LRRC74A: variants seen among roughly 807,000 people sequenced by gnomAD.
LRRC74A encodes the protein leucine-rich repeat-containing protein 74A.
In LRRC74A, 44 loss-of-function variants were observed where a neutral mutation model predicts 57.9. The observed-to-expected ratio is 0.76, with a 90% CI of 0.60 to 0.98. The LOEUF is 0.98. LRRC74A is among the 50% of genes least tolerant of loss of function. LRRC74A has a pLI of 0.00. For missense variants in LRRC74A, 572 were observed against 574.0 expected, an observed-to-expected ratio of 1.00 and a Z score of 0.04; for synonymous variants, 211 against 219.4, an observed-to-expected ratio of 0.96 and a Z score of 0.34.
chr14:76,831,141 C>A, intron 2 of LRRC74A, 62 bp from the exon 3 acceptor site: 1 of 1,527,896 alleles, frequency 6.5e-7, no homozygotes, highest in Non-Finnish European at 9.0e-7. Flanking sequence ...GTCACTGGGG[C>A]TAGAGGGGAG....
intron 7 of LRRC74A, among the ~76,000 whole-genome samples, chr14:76,849,476 G>C (rs1048584435): frequency 6.6e-6 from 1 of 151,722 alleles, no homozygotes; most frequent in Non-Finnish European, 1.5e-5. Flanking sequence ...TTTTAAAATT[G>C]TTATAATCGT....
intron 5 of LRRC74A, among the ~76,000 whole-genome samples, chr14:76,841,375 C>G (rs1246874161): frequency 1.3e-5 from 2 of 152,184 alleles, no homozygotes; most frequent in African/African-American, 4.8e-5. Context: ...TGGGCAAAGA[C>G]TACCCCTTTT....
At chr14:76,841,804 C>T (rs1896795589) in intron 5 of LRRC74A, among the ~76,000 whole-genome samples, 1 of 151,256 alleles carries the variant, frequency 6.6e-6, no homozygotes, top group South Asian at 2.1e-4. Context: ...TCTCTGCCTC[C>T]TGGGTTCAAG....
At chr14:76,839,734 A>G (rs754404067) in intron 5 of LRRC74A, among the ~76,000 whole-genome samples, 7 of 152,164 alleles carry the variant, frequency 4.6e-5, no homozygotes, top group Non-Finnish European at 7.4e-5. Flanking sequence ...TTCATAAACT[A>G]TAGATATTCA....
intron 10 of LRRC74A, among the ~76,000 whole-genome samples, chr14:76,859,572 C>T (rs1898143253): frequency 6.8e-6 from 1 of 147,250 alleles, no homozygotes; most frequent in African/African-American, 2.5e-5. Context: ...AGAAATGGTG[C>T]TGTTTAGGCC....
chr14:76,869,349 A>C (rs898090211), intron 13 of LRRC74A, among the ~76,000 whole-genome samples: 2 of 152,338 alleles, frequency 1.3e-5, no homozygotes, highest in Middle Eastern at 3.4e-3. Context: ...TGCCCTTCAG[A>C]TCACACACTG....
intron 5 of LRRC74A, among the ~76,000 whole-genome samples, chr14:76,842,487 A>C (rs1172303483): frequency 2.0e-5 from 3 of 152,226 alleles, no homozygotes; most frequent in Non-Finnish European, 4.4e-5. Context: ...GTGTTTTATC[A>C]AATTTCACAA....
At chr14:76,838,021 A>C in intron 5 of LRRC74A, 50 bp downstream of exon 5, 1 of 1,221,566 alleles carries the variant, frequency 8.2e-7, no homozygotes, top group Non-Finnish European at 1.2e-6. Flanking sequence ...AGAGGGAGGG[A>C]AGAGGGGAAA....
chr14:76,853,070 C>A, intron 8 of LRRC74A, 146 bp from the exon 9 acceptor site: 1 of 702,286 alleles, frequency 1.4e-6, no homozygotes, highest in East Asian at 2.6e-5. Context: ...CAGCTGGGAG[C>A]TCTGAATGAT....
rs777609354 is a variant in LRRC74A at position 76,840,114 on chromosome 14, T to G, written c.544+2143T>G. 8.3e-4 allele frequency among the ~76,000 whole-genome samples: 126 copies of G among 152,298 alleles called. 1 individual carries two copies. Among genetic ancestry groups the G allele is most frequent in the Non-Finnish European group, 2.6e-4 (18 of 68,026 alleles). On this transcript the variant is annotated intron_variant, in intron 5 of 13. Transcript: ENST00000689127. ...CTTTTTCCTTTATGTATTTAATTTT[T>G]GTAGCCTGGCTTTAAAACTCTTTCC...
At chr14:76,853,116 C>A in intron 8 of LRRC74A, 100 bp from the exon 9 acceptor site, 4 of 1,134,346 alleles carry the variant, frequency 3.5e-6, no homozygotes, top group South Asian at 1.4e-5. Context: ...CCACTGAGCA[C>A]CCGGTCTGGA....
intron 7 of LRRC74A, among the ~76,000 whole-genome samples, chr14:76,846,834 A>AC (rs34159247): frequency 0.61 from 92,973 of 151,974 alleles, 28,896 homozygotes; most frequent in East Asian, 0.88. Flanking sequence ...TGGCCATTTG[A>AC]ACCTACATAG....
intron 12 of LRRC74A, 94 bp from the exon 13 acceptor site, chr14:76,867,262 G>T: frequency 2.4e-6 from 1 of 420,286 alleles, no homozygotes; most frequent in Admixed American, 3.0e-5. Context: ...GGGGTGGGGT[G>T]TGTGTGTTGG....
chr14:76,828,431 C>T lies in LRRC74A; in HGVS notation c.166+12C>T, dbSNP rs61745625. The T allele has an allele frequency of 2.4e-5, 39 of 1,613,836 alleles. No homozygotes were observed. The African/African-American group carries it at 4.5e-4, about 19-fold the overall frequency. On this transcript the variant is annotated intron_variant, in intron 2 of 13. Transcript: ENST00000689127. ...CCTGGAGATTGAAGGCGAGCATGGG[C>T]ATTTGGGGGCAGTCAGGGCAGCTTC...
intron 13 of LRRC74A, among the ~76,000 whole-genome samples, chr14:76,869,853 G>C (rs1240352175): frequency 6.6e-6 from 1 of 152,014 alleles, no homozygotes; most frequent in Non-Finnish European, 1.5e-5. Flanking sequence ...TCCCTCCATA[G>C]TTTACTCTGC....
At chr14:76,847,230 G>T (rs569511408) in intron 7 of LRRC74A, among the ~76,000 whole-genome samples, 5 of 152,188 alleles carry the variant, frequency 3.3e-5, no homozygotes, top group African/African-American at 1.2e-4. Context: ...AGCATGGAGT[G>T]TTAGTGGCTT....
intron 13 of LRRC74A, 118 bp downstream of exon 13, chr14:76,867,556 G>T (rs910880630): frequency 3.3e-6 from 2 of 605,604 alleles, no homozygotes; most frequent in Admixed American, 2.6e-5. Context: ...CCACCTGCCT[G>T]TTCCCTGCAT....
intron 7 of LRRC74A, among the ~76,000 whole-genome samples, chr14:76,848,656 A>G (rs1897255218): frequency 6.6e-6 from 1 of 152,246 alleles, no homozygotes; most frequent in African/African-American, 2.4e-5. Flanking sequence ...GAACAGAAAA[A>G]GGGGGCAGGA....
rs559573605 is a variant in LRRC74A, at chr14:76,831,468, C to A, written c.339+93C>A. The A allele has an allele frequency of 7.4e-6, 10 of 1,358,370 alleles. No homozygotes were observed. The African/African-American group carries it at 8.6e-5, about 12-fold the overall frequency. 84.1% of individuals were successfully genotyped at this position (1,358,370 alleles called of 1,614,324 possible). The stretch of plus-strand genomic sequence containing the variant: ...GATTCAGAGGGCCCCTCCTATGGAG[C>A]CTAAACCCACACTTTATGCCCTTAT... On this transcript the variant is annotated intron_variant, in intron 3 of 13. Transcript: ENST00000689127.
Sources: allele counts gnomAD v4.1 joint callset (sites outside exome capture counted in the v4.1 genomes callset), GRCh38; gene constraint gnomAD v4.1.1; transcripts MANE v1.5; gene names NCBI Gene and HGNC (gene_info 2026-07-23, HGNC 2026-07-21).